The following MIPEP variants were observed in gnomAD, a reference collection of about 807,000 sequenced individuals.
MIPEP encodes mitochondrial intermediate peptidase.
MIPEP carries 79 observed loss-of-function variants against 90.3 expected under a neutral mutation model. The observed-to-expected ratio is 0.87, with a 90% CI of 0.73 to 1.05. MIPEP has a LOEUF of 1.05. Ranked by LOEUF, MIPEP falls within the 50% of genes least tolerant of loss-of-function variation. The pLI is 0.00. For synonymous variants in MIPEP, 334 were observed against 315.8 expected, an observed-to-expected ratio of 1.06 and a Z score of -0.61; for missense variants, 940 against 905.6, an observed-to-expected ratio of 1.04 and a Z score of -0.49.
At chr13:23,882,706 C>T (rs1322618454) in intron 2 of MIPEP, among the ~76,000 whole-genome samples, 1 of 151,956 alleles carries the variant, frequency 6.6e-6, no homozygotes, top group African/African-American at 2.4e-5. Context: ...ATAAAATCAC[C>T]ACAAGATAAA....
chr13:23,774,789 T>C (rs1474426902), intron 16 of MIPEP, among the ~76,000 whole-genome samples: 1 of 43,074 alleles, frequency 2.3e-5, no homozygotes, highest in Non-Finnish European at 5.3e-5. Context: ...CAGTTCTTTT[T>C]TTTTTTTTTT....
chr13:23,791,076 C>G (rs1172829066), intron 16 of MIPEP, among the ~76,000 whole-genome samples: 2 of 152,176 alleles, frequency 1.3e-5, no homozygotes, highest in African/African-American at 4.8e-5. Flanking sequence ...CAATCCACTT[C>G]CAAATGTTCA....
intron 4 of MIPEP, among the ~76,000 whole-genome samples, chr13:23,879,064 G>A (rs947450491): frequency 1.5e-4 from 23 of 152,204 alleles, no homozygotes; most frequent in African/African-American, 5.3e-4. Flanking sequence ...ATCAGGATCA[G>A]AGGGTAGAGT....
chr13:23,750,313 GT>G (rs1952429431), intron 18 of MIPEP, among the ~76,000 whole-genome samples: 1 of 152,052 alleles, frequency 6.6e-6, no homozygotes, highest in Admixed American at 6.5e-5. Context: ...TCTTTTTTCT[GT>G]TCCAGGACCA....
chr13:23,877,353 C>T (rs1439001124), intron 4 of MIPEP, among the ~76,000 whole-genome samples: 1 of 152,150 alleles, frequency 6.6e-6, no homozygotes, highest in Non-Finnish European at 1.5e-5. Context: ...CTCTACCTTC[C>T]CAAGTTCATT....
chr13:23,808,753 A>G (rs539508394), intron 15 of MIPEP, among the ~76,000 whole-genome samples: 1 of 152,334 alleles, frequency 6.6e-6, no homozygotes, highest in East Asian at 1.9e-4. Context: ...ATTGATATGA[A>G]TAGATACTGA....
At chr13:23,883,053 T>C (rs1374092337) in intron 2 of MIPEP, among the ~76,000 whole-genome samples, 1 of 152,128 alleles carries the variant, frequency 6.6e-6, no homozygotes, top group Non-Finnish European at 1.5e-5. Flanking sequence ...ACGATTGCCT[T>C]ATAACAGTAC....
At chr13:23,842,426 T>G (rs962711870) in intron 10 of MIPEP, 2 of 152,222 alleles carry the variant, frequency 1.3e-5, no homozygotes, top group African/African-American at 4.8e-5. Context: ...AGACTTTGGC[T>G]ATGGACATCC....
At chr13:23,767,124 C>T (rs1296634465) in intron 16 of MIPEP, among the ~76,000 whole-genome samples, 1 of 152,116 alleles carries the variant, frequency 6.6e-6, no homozygotes, top group Admixed American at 6.6e-5. Context: ...ATGAATTATG[C>T]CAATAACCTG....
chr13:23,882,102 C>T (rs1478777469), intron 2 of MIPEP, among the ~76,000 whole-genome samples: 2 of 145,246 alleles, frequency 1.4e-5, no homozygotes, highest in African/African-American at 2.6e-5. Context: ...CGGAGTCTTG[C>T]TCCGTCGCCC....
At chr13:23,742,035 C>T (rs1193196847) in intron 18 of MIPEP, among the ~76,000 whole-genome samples, 1 of 152,122 alleles carries the variant, frequency 6.6e-6, no homozygotes, top group Non-Finnish European at 1.5e-5. Context: ...GGACAATAGC[C>T]CCGTGGGGCC....
chr13:23,838,019 T>C (rs1239881965), intron 12 of MIPEP, among the ~76,000 whole-genome samples: 1 of 152,194 alleles, frequency 6.6e-6, no homozygotes, highest in Non-Finnish European at 1.5e-5. Flanking sequence ...TGCATTGAAA[T>C]GATGCTGTGC....
intron 18 of MIPEP, among the ~76,000 whole-genome samples, chr13:23,753,065 T>C (rs1295086308): frequency 6.6e-6 from 1 of 151,796 alleles, no homozygotes; most frequent in African/African-American, 2.4e-5. Flanking sequence ...CCGTCTCTAC[T>C]AAAAATACAA....
chr13:23,828,944 A>C (rs1868604590), intron 14 of MIPEP, among the ~76,000 whole-genome samples: 1 of 152,206 alleles, frequency 6.6e-6, no homozygotes, highest in African/African-American at 2.4e-5. Context: ...TATTACTATA[A>C]CTTATTCCAA....
chr13:23,770,842 G>C (rs1370496200), intron 16 of MIPEP, among the ~76,000 whole-genome samples: 1 of 152,186 alleles, frequency 6.6e-6, no homozygotes, highest in Non-Finnish European at 1.5e-5. Flanking sequence ...GAGAAAACTG[G>C]AGAGGCTGTC....
chr13:23,778,541 T>A (rs1320769342), intron 16 of MIPEP, among the ~76,000 whole-genome samples: 1 of 152,176 alleles, frequency 6.6e-6, no homozygotes, highest in East Asian at 1.9e-4. Context: ...CAAAACTCAC[T>A]AATGAAAGAA....
intron 4 of MIPEP, 47 bp downstream of exon 4, chr13:23,879,221 A>G: frequency 8.7e-7 from 1 of 1,149,052 alleles, no homozygotes; most frequent in South Asian, 1.3e-5. Context: ...TCCCAACCTC[A>G]CCTCTAGAGT....
Position 23,879,257 on chromosome 13 carries a change from T to A in MIPEP, c.539+11A>T, listed in dbSNP as rs1299200601. 3 of 1,559,162 alleles carry A rather than the reference T, an allele frequency of 1.9e-6. No individual in the cohort carries two copies. Among genetic ancestry groups the A allele is most frequent in the Non-Finnish European group, 2.6e-6 (3 of 1,133,764 alleles). On this transcript the variant is annotated intron_variant, in intron 4 of 18. Transcript: ENST00000382172. ...CACAGTCACAATCAAGGCAAAGAAA[T>A]GAGTGAGTACCTTGTTTCTGGATCA...
intron 2 of MIPEP, among the ~76,000 whole-genome samples, chr13:23,882,031 T>C (rs1208427139): frequency 2.0e-5 from 3 of 152,110 alleles, no homozygotes; most frequent in Non-Finnish European, 4.4e-5. Context: ...CAGAAAAGTT[T>C]TTCTCTTTCA....
Sources: allele counts gnomAD v4.1 joint callset (sites outside exome capture counted in the v4.1 genomes callset), GRCh38; gene constraint gnomAD v4.1.1; transcripts MANE v1.5; gene names NCBI Gene and HGNC (gene_info 2026-07-23, HGNC 2026-07-21).